The following MICALL1 variants were observed in gnomAD, a reference collection of about 807,000 sequenced individuals.
MICALL1 encodes MICAL-like protein 1.
In MICALL1, 61 loss-of-function variants were observed where a neutral mutation model predicts 83.7. That is an observed-to-expected ratio of 0.73 (90% confidence interval 0.59 to 0.90). The LOEUF (loss-of-function observed/expected upper bound fraction) is 0.90. Ranked by LOEUF, MICALL1 falls within the 40% of genes least tolerant of loss-of-function variation. MICALL1 has a pLI of 0.00. For synonymous variants in MICALL1, 481 were observed against 473.6 expected, an observed-to-expected ratio of 1.02 and a Z score of -0.20; for missense variants, 1,066 against 1,152.0, an observed-to-expected ratio of 0.93 and a Z score of 1.08.
In MICALL1 at chr22:37,925,730, C is replaced by T. The variant is rs768715230; in HGVS notation, c.1152C>T (p.Ala384=). ...LVQAEPKKKP[A]PLPPSSSPGP... is the part of the protein sequence containing the mutation. ...AGGCAGAACCAAAGAAGAAGCCAGC[C>T]CCACTTCCCCCAAGCAGCAGCCCGG... The change falls in exon 8 of 16, where the codon GCC becomes GCT. Residue 384 remains alanine, a synonymous_variant. Coordinates refer to ENST00000215957, the MANE Select transcript of MICALL1 (RefSeq NM_033386.4). 1.1e-5 allele frequency: 17 copies of T among 1,611,796 alleles called. No individual in the cohort carries two copies. The East Asian group carries it at 1.3e-4, about 13-fold the overall frequency.
intron 13 of MICALL1, among the ~76,000 whole-genome samples, chr22:37,935,729 CTTT>C (rs558695275): frequency 6.3e-5 from 8 of 126,314 alleles, no homozygotes; most frequent in African/African-American, 1.2e-4. Flanking sequence ...AGGATATTTA[CTTT>C]TTTTTTTTTT....
At position 37,927,497 on chromosome 22, in the gene MICALL1, A is replaced by G. The variant is rs764964722; in HGVS notation, c.1552A>G (p.Ser518Gly). The change falls in exon 9 of 16, where the codon AGC becomes GGC. Residue 518 changes from serine to glycine, a missense_variant. By Grantham distance (56) the Ser-to-Gly change is moderately conservative. Coordinates refer to ENST00000215957, the MANE Select transcript of MICALL1 (RefSeq NM_033386.4). ...CAGCGTGGAGAGCCTGTCGTCTGAG[A>G]GCGCCAGCCAGACTGCAGGTGCAGA... ...ALSVESLSSE[S>G]ASQTAGAELL... is the part of the protein sequence containing the mutation. 6.2e-7 allele frequency: 1 copy of G among 1,612,230 alleles called. No homozygotes were observed. Among genetic ancestry groups the G allele is most frequent in the Non-Finnish European group, 8.5e-7 (1 of 1,178,582 alleles).
chr22:37,912,059 G>T, intron 2 of MICALL1, 59 bp downstream of exon 2: 3 of 1,551,678 alleles, frequency 1.9e-6, no homozygotes, highest in Non-Finnish European at 1.8e-6. Flanking sequence ...GTGTGTGTGT[G>T]TGTGTTTGGT....
Position 37,917,710 on chromosome 22 carries a change from G to T in MICALL1, c.341G>T (p.Gly114Val), listed in dbSNP as rs1337947742. The stretch of plus-strand genomic sequence containing the variant: ...CCCCTTTCTCATCTCTTGGCAGCTG[G>T]TGTCTCGCCACCCAGAAAGGGCCTT... Reference protein sequence around the residue: ...YNHFCSPGQAGVSPPRKGLAP... With the variant: ...YNHFCSPGQAVVSPPRKGLAP... The change falls in exon 4 of 16, where the codon GGT (glycine) becomes GTT (valine). Residue 114 changes from glycine to valine, a missense_variant. Physicochemically the swap from Gly to Val is moderately radical, Grantham distance 109. Coordinates refer to ENST00000215957, the MANE Select transcript of MICALL1 (RefSeq NM_033386.4). 1 of 1,613,698 alleles carries T rather than the reference G, an allele frequency of 6.2e-7. No individual in the cohort carries two copies. Among genetic ancestry groups the T allele is most frequent in the Non-Finnish European group, 8.5e-7 (1 of 1,179,794 alleles).
At chr22:37,912,290 CT>C in intron 2 of MICALL1, 60 bp from the exon 3 acceptor site, 8 of 1,554,242 alleles carry the variant, frequency 5.1e-6, no homozygotes, top group Non-Finnish European at 7.0e-6. Flanking sequence ...GGGTCGCCCC[CT>C]AACGCCTCCT....
intron 1 of MICALL1, among the ~76,000 whole-genome samples, chr22:37,910,814 C>G (rs1483514723): frequency 2.0e-5 from 3 of 152,136 alleles, no homozygotes; most frequent in Non-Finnish European, 4.4e-5. Context: ...GGGACTCCAC[C>G]AGCTTGGGAG....
rs1930433896 is a variant in MICALL1 at position 37,941,478 on chromosome 22, C to G, written c.*648C>G. On this transcript the variant is annotated 3_prime_UTR_variant, in exon 16 of 16. Coordinates refer to ENST00000215957, the MANE Select transcript of MICALL1 (RefSeq NM_033386.4). ...GAGCGGCTTCCCTCGTCTCCCCTTA[C>G]TCCACAGGGAGCCTCCCTTGCCAGG... 6.6e-6 allele frequency: 1 copy of G among 152,574 alleles called. No homozygotes were observed. The highest frequency in any genetic ancestry group is 2.1e-4 in the South Asian group (1 of 4,830). The allele number at this position is 152,574 out of a possible 1,614,324, so 9.5% of individuals were successfully genotyped here.
Position 37,935,460 on chromosome 22 carries a change from C to T in MICALL1, c.2309-1620C>T, listed in dbSNP as rs534453188. Among the ~76,000 whole-genome samples, 283 of 149,894 alleles carry T rather than the reference C, an allele frequency of 1.9e-3. 3 individuals are homozygous for T. Among genetic ancestry groups the T allele is most frequent in the Admixed American group, 4.7e-3 (70 of 14,934 alleles). ...ATTTTTAGTAGAGACAAGGTTTCAT[C>T]GTGTTAGCCAGGATGGTCTTGATCT... On this transcript the variant is annotated intron_variant, in intron 13 of 15. Transcript: ENST00000215957.
In MICALL1 at chr22:37,925,959, C is replaced by T. The variant is rs1929407208; in HGVS notation, c.1381C>T (p.His461Tyr). The T allele has an allele frequency of 6.2e-7, 1 of 1,613,914 alleles. No individual in the cohort carries two copies. The change falls in exon 8 of 16, where the codon CAC (histidine) becomes TAC (tyrosine). Residue 461 changes from histidine (H) to tyrosine (Y), a missense_variant. Coordinates refer to ENST00000215957, the MANE Select transcript of MICALL1 (RefSeq NM_033386.4). Reference sequence around the variant, plus strand: ...CCCGGAGTCCACACCCAAGTCCCTGCACCCCTGGTACGGCATCACCCCTAC... The same window carrying T: ...CCCGGAGTCCACACCCAAGTCCCTGTACCCCTGGTACGGCATCACCCCTAC... The part of the protein sequence containing the change: ...GHPESTPKSL[H>Y]PWYGITPTSS...
Position 37,927,458 on chromosome 22 carries a change from C to T in MICALL1, c.1513C>T (p.Pro505Ser). The T allele has an allele frequency of 6.2e-7, 1 of 1,604,318 alleles. No homozygotes were observed. The highest frequency in any genetic ancestry group is 8.5e-7 in the Non-Finnish European group (1 of 1,173,326). ...GCACTCGGAGCCGCCCTCGGCCACA[C>T]CATCGCCAGCGCTCAGCGTGGAGAG... ...LSHSEPPSAT[P>S]SPALSVESLS... The change falls in exon 9 of 16, where the codon CCA (proline) becomes TCA (serine). Residue 505 changes from proline (P) to serine (S), a missense_variant. By Grantham distance (74) the Pro-to-Ser change is moderately conservative. Transcript: ENST00000215957.
intron 3 of MICALL1, among the ~76,000 whole-genome samples, chr22:37,914,512 C>T (rs146728574): frequency 0.023 from 3,517 of 151,648 alleles, 63 homozygotes; most frequent in Non-Finnish European, 0.03. Flanking sequence ...CAGGCATGAG[C>T]CACTGCACCC....
chr22:37,909,366 T>C (rs993730881), intron 1 of MICALL1, among the ~76,000 whole-genome samples: 12 of 131,198 alleles, frequency 9.1e-5, no homozygotes, highest in Admixed American at 8.6e-4. Context: ...GCCACGTAGG[T>C]TTTTTTTTTT....
chr22:37,939,142 T>C (rs753670613), intron 15 of MICALL1, among the ~76,000 whole-genome samples: 2 of 152,194 alleles, frequency 1.3e-5, no homozygotes, highest in Non-Finnish European at 2.9e-5. Flanking sequence ...TCAGACTACT[T>C]GAGTTCTAGT....
At chr22:37,936,675 G>A (rs1456676127) in intron 13 of MICALL1, among the ~76,000 whole-genome samples, 11 of 152,134 alleles carry the variant, frequency 7.2e-5, no homozygotes, top group Non-Finnish European at 1.5e-4. Flanking sequence ...GGTGGATCAC[G>A]AGGTCAGGAG....
intron 1 of MICALL1, among the ~76,000 whole-genome samples, chr22:37,908,885 C>T (rs575792888): frequency 6.6e-6 from 1 of 152,268 alleles, no homozygotes; most frequent in South Asian, 2.1e-4. Flanking sequence ...GGGACCCCAT[C>T]TGAGCAAAGG....
Position 37,940,905 on chromosome 22 carries a change from C to T in MICALL1, c.*75C>T, listed in dbSNP as rs1439233730. On this transcript the variant is annotated 3_prime_UTR_variant, in exon 16 of 16. Transcript: ENST00000215957. ...GCTGTGCTCTGTTTGAAGGGGGCGC[C>T]CTGCTCCCCTCAGATCAGTCAGGAG... The T allele has an allele frequency of 2.3e-5, 36 of 1,576,926 alleles. No individual in the cohort carries two copies. The highest frequency in any genetic ancestry group is 2.9e-5 in the Non-Finnish European group (33 of 1,155,646).
chr22:37,924,036 G>A lies in MICALL1; in HGVS notation c.1025-624G>A, dbSNP rs1458468662. Among the ~76,000 whole-genome samples the A allele has an allele frequency of 3.3e-5, 5 of 152,300 alleles. No individual in the cohort carries two copies. Among genetic ancestry groups the A allele is most frequent in the African/African-American group, 9.6e-5 (4 of 41,574 alleles). The stretch of plus-strand genomic sequence containing the variant: ...GTAGGATTGAGACTCCTTGTATAAG[G>A]CTGCTGGGCAGCCCTTATCATTCCA... On this transcript the variant is annotated intron_variant, in intron 6 of 15. Transcript: ENST00000215957. The surrounding 1 kb of genome is among the most constrained non-coding windows in gnomAD (Gnocchi z 5.2).
intron 13 of MICALL1, among the ~76,000 whole-genome samples, chr22:37,935,020 C>T (rs1382018605): frequency 6.6e-6 from 1 of 150,456 alleles, no homozygotes; most frequent in African/African-American, 2.4e-5. Flanking sequence ...CAAGCTCCGC[C>T]TCCCCAGGTT....
intron 13 of MICALL1, among the ~76,000 whole-genome samples, chr22:37,935,197 G>A (rs1368092919): frequency 6.6e-6 from 1 of 151,766 alleles, no homozygotes; most frequent in Non-Finnish European, 1.5e-5. Context: ...CTCCCAAAGT[G>A]CTAGGATTAC....
Sources: allele counts gnomAD v4.1 joint callset (sites outside exome capture counted in the v4.1 genomes callset), GRCh38; gene constraint gnomAD v4.1.1; non-coding constraint Gnocchi (gnomAD v3.1); transcripts MANE v1.5; gene names NCBI Gene and HGNC (gene_info 2026-07-23, HGNC 2026-07-21).